The following BORCS5 variants were observed in gnomAD, a reference collection of about 807,000 sequenced individuals.
BORCS5 encodes the protein BLOC-1-related complex subunit 5.
In BORCS5, 17 loss-of-function variants were observed where a neutral mutation model predicts 22.1. That is an observed-to-expected ratio of 0.77 (90% CI 0.53 to 1.15). The LOEUF (loss-of-function observed/expected upper bound fraction) is 1.15, where lower values mean the gene tolerates loss of function less well. Ranked by LOEUF, BORCS5 falls within the 50% of genes most tolerant of loss-of-function variation. The pLI is 0.00. For missense variants in BORCS5, 247 were observed against 253.2 expected, an observed-to-expected ratio of 0.98 and a Z score of 0.17; for synonymous variants, 117 against 99.8, an observed-to-expected ratio of 1.17 and a Z score of -1.03.
intron 2 of BORCS5, among the ~76,000 whole-genome samples, chr12:12,414,768 A>G (rs1463960667): frequency 3.7e-4 from 38 of 104,054 alleles, no homozygotes; most frequent in Middle Eastern, 6.7e-3. Flanking sequence ...TGGCTGCCGG[A>G]CGGAGGGGCT....
chr12:12,425,097 T>C (rs1942246680), intron 2 of BORCS5, among the ~76,000 whole-genome samples: 2 of 152,074 alleles, frequency 1.3e-5, no homozygotes, highest in African/African-American at 2.4e-5. Context: ...GAGGACAGGG[T>C]CCTTTTCTCC....
intron 3 of BORCS5, 81 bp downstream of exon 3, chr12:12,435,866 A>G (rs1479336913): frequency 1.3e-5 from 18 of 1,369,062 alleles, no homozygotes; most frequent in Middle Eastern, 1.8e-4. Flanking sequence ...AAGACTTGAC[A>G]TTTGTCACTA....
intron 2 of BORCS5, among the ~76,000 whole-genome samples, chr12:12,392,188 C>G (rs1272245579): frequency 1.3e-5 from 2 of 151,792 alleles, no homozygotes; most frequent in East Asian, 1.9e-4. Flanking sequence ...ACACACTACT[C>G]AAATAAATTA....
chr12:12,416,696 A>T (rs1289582039), intron 2 of BORCS5, among the ~76,000 whole-genome samples: 1 of 151,940 alleles, frequency 6.6e-6, no homozygotes, highest in Non-Finnish European at 1.5e-5. Context: ...CCTGGGCTCA[A>T]GCGATCCTTC....
intron 2 of BORCS5, among the ~76,000 whole-genome samples, chr12:12,362,932 T>G (rs576129958): frequency 1.3e-5 from 2 of 151,872 alleles, no homozygotes; most frequent in Admixed American, 1.3e-4. Context: ...ATTACAGGCG[T>G]GAGGCACCTT....
At chr12:12,384,078 A>G (rs896174371) in intron 2 of BORCS5, among the ~76,000 whole-genome samples, 2 of 150,848 alleles carry the variant, frequency 1.3e-5, no homozygotes, top group African/African-American at 4.9e-5. Context: ...TTTCATTTCC[A>G]TTATTATACT....
rs530824966 is a variant in BORCS5 at position 12,357,147 on chromosome 12, C to A, written c.-305C>A. On this transcript the variant is annotated 5_prime_UTR_variant, in exon 1 of 4. Coordinates refer to ENST00000314565, the MANE Select transcript of BORCS5 (RefSeq NM_058169.6). ...AGTGAAAGCGGCGCCGCCCGCCGGC[C>A]GCAGGTGCGGCAAAGCCAGTGTCAT... 2.0e-6 allele frequency: 3 copies of A among 1,533,090 alleles called. 1 individual carries two copies. Among genetic ancestry groups the A allele is most frequent in the South Asian group, 2.4e-5 (2 of 83,910 alleles). The allele number at this position is 1,533,090 out of a possible 1,614,324, so 95.0% of individuals were successfully genotyped here.
At position 12,470,511 on chromosome 12, in the gene BORCS5, G is replaced by A. The variant is rs187385268; in HGVS notation, c.*4735G>A. 4.0e-4 allele frequency among the ~76,000 whole-genome samples: 61 copies of A among 152,152 alleles called. No homozygotes were observed. Among genetic ancestry groups the A allele is most frequent in the African/African-American group, 1.2e-3 (50 of 41,506 alleles). Reference sequence around the variant, plus strand: ...CGCACGTGAAGGATCTAGGTTTTGCGCTCCTTATGAGAATCTAATGCCTGA... The same window carrying A: ...CGCACGTGAAGGATCTAGGTTTTGCACTCCTTATGAGAATCTAATGCCTGA... On this transcript the variant is annotated 3_prime_UTR_variant, in exon 4 of 4. Transcript: ENST00000314565.
In BORCS5 at chr12:12,466,602, C is replaced by T. The variant is rs1050075529; in HGVS notation, c.*826C>T. 1.4e-4 allele frequency: 22 copies of T among 152,186 alleles called. No individual in the cohort carries two copies. The highest frequency in any genetic ancestry group is 5.3e-4 in the African/African-American group (22 of 41,422). The allele number at this position is 152,186 out of a possible 1,614,324, so 9.4% of individuals were successfully genotyped here. A position where few individuals can be genotyped will look rare whatever the true frequency, so the allele number is the denominator to read the frequency against. ...AAAAGCTCAAAAAGCTGCTGAATTT[C>T]TCTGGGAGTTTAGGAAAGGAAGTTA... is the stretch of plus-strand genomic sequence containing the variant. On this transcript the variant is annotated 3_prime_UTR_variant, in exon 4 of 4. Transcript: ENST00000314565.
At chr12:12,386,004 G>T (rs1233770001) in intron 2 of BORCS5, among the ~76,000 whole-genome samples, 3 of 141,972 alleles carry the variant, frequency 2.1e-5, no homozygotes, top group South Asian at 2.2e-4. Flanking sequence ...TGTCCATGTG[G>T]TTTTTTTTTT....
chr12:12,403,594 T>G (rs1372690354), intron 2 of BORCS5, among the ~76,000 whole-genome samples: 1 of 152,240 alleles, frequency 6.6e-6, no homozygotes, highest in African/African-American at 2.4e-5. Flanking sequence ...TAAAGGAGCA[T>G]GTTTTCACAG....
chr12:12,366,096 C>CT (rs1294443891), intron 2 of BORCS5, among the ~76,000 whole-genome samples: 4 of 152,158 alleles, frequency 2.6e-5, no homozygotes, highest in African/African-American at 4.8e-5. Flanking sequence ...TACTCTGACT[C>CT]TTTTTTCCCC....
chr12:12,414,099 G>A (rs1267765001), intron 2 of BORCS5, among the ~76,000 whole-genome samples: 17 of 80,582 alleles, frequency 2.1e-4, no homozygotes, highest in Middle Eastern at 9.8e-3. Context: ...GCGGCTGGCC[G>A]GGCGGGGGGC....
chr12:12,395,543 TC>T (rs1941317576), intron 2 of BORCS5, among the ~76,000 whole-genome samples: 1 of 148,894 alleles, frequency 6.7e-6, no homozygotes. Context: ...TGCCTTGGCC[TC>T]CCAGCGTGCC....
At chr12:12,362,956 ATCT>A (rs1227874958) in intron 2 of BORCS5, among the ~76,000 whole-genome samples, 2 of 151,760 alleles carry the variant, frequency 1.3e-5, no homozygotes, top group Non-Finnish European at 1.5e-5. Context: ...TGGCCTACTC[ATCT>A]TCTTAGTTTT....
At chr12:12,415,020 C>T (rs994688513) in intron 2 of BORCS5, among the ~76,000 whole-genome samples, 8 of 133,860 alleles carry the variant, frequency 6.0e-5, no homozygotes, top group African/African-American at 1.9e-4. Flanking sequence ...TCCTCGCTTC[C>T]TAGATGGGAT....
intron 3 of BORCS5, among the ~76,000 whole-genome samples, chr12:12,437,137 A>C (rs1306996804): frequency 6.6e-6 from 1 of 152,120 alleles, no homozygotes; most frequent in Non-Finnish European, 1.5e-5. Flanking sequence ...TAATTCCCAC[A>C]TGTCATGGGA....
intron 2 of BORCS5, among the ~76,000 whole-genome samples, chr12:12,429,335 T>A (rs1242586401): frequency 6.6e-6 from 1 of 152,172 alleles, no homozygotes; most frequent in African/African-American, 2.4e-5. Context: ...AACATTGTGT[T>A]CAATGCCTCT....
rs1259787679 is a variant in BORCS5, at chr12:12,468,228, GTTC to G, written c.*2455_*2457del. 1.3e-5 allele frequency: 2 copies of G among 152,046 alleles called. No individual in the cohort carries two copies. The highest frequency in any genetic ancestry group is 2.9e-5 in the Non-Finnish European group (2 of 68,032). 9.4% of individuals were successfully genotyped at this position (152,046 alleles called of 1,614,324 possible). A position where few individuals can be genotyped will look rare whatever the true frequency, so the allele number is the denominator to read the frequency against. On this transcript the variant is annotated 3_prime_UTR_variant, in exon 4 of 4. Coordinates refer to ENST00000314565, the MANE Select transcript of BORCS5 (RefSeq NM_058169.6). ...CTCTCTTTCTACATCATTCCTAGTG[GTTC>G]TTTTCTGATGGAACCTCTGACTGGT...
Sources: allele counts gnomAD v4.1 joint callset (sites outside exome capture counted in the v4.1 genomes callset), GRCh38; gene constraint gnomAD v4.1.1; transcripts MANE v1.5; gene names NCBI Gene and HGNC (gene_info 2026-07-23, HGNC 2026-07-21).